Variants in CACNA1C observed in about 807,000 individuals in gnomAD.
The protein encoded by CACNA1C is calcium voltage-gated channel subunit alpha1 C.
CACNA1C carries 30 observed loss-of-function variants against 229.0 expected under a neutral mutation model. That is an observed-to-expected ratio of 0.13 (90% CI 0.10 to 0.18). The LOEUF (loss-of-function observed/expected upper bound fraction) is 0.18. CACNA1C is among the 10% of genes least tolerant of loss of function. CACNA1C has a pLI of 1.00. For missense variants in CACNA1C, 1,658 were observed against 2,845.0 expected (o/e 0.58, Z 9.49); for synonymous variants, 1,114 against 1,132.5 (o/e 0.98, Z 0.33).
chr12:2,220,371 G>T (rs965039926), intron 3 of CACNA1C, among the ~76,000 whole-genome samples: 7 of 152,194 alleles, frequency 4.6e-5, no homozygotes, highest in Admixed American at 4.6e-4. Context: ...CCCTGGTAAG[G>T]CTCAGGCATG....
At chr12:2,232,107 C>T (rs186396791) in intron 3 of CACNA1C, among the ~76,000 whole-genome samples, 41 of 152,076 alleles carry the variant, frequency 2.7e-4, no homozygotes, top group Admixed American at 1.2e-3. Flanking sequence ...TTTGATCTTA[C>T]GAGTTTCTCC....
intron 3 of CACNA1C, among the ~76,000 whole-genome samples, chr12:2,218,815 C>G (rs1017202312): frequency 6.6e-6 from 1 of 152,182 alleles, no homozygotes; most frequent in Non-Finnish European, 1.5e-5. Context: ...GGGGTCTGAT[C>G]ATTTCAGTGT....
At chr12:1,997,481 C>CT (rs1264472168) in intron 1 of CACNA1C, among the ~76,000 whole-genome samples, 1 of 152,148 alleles carries the variant, frequency 6.6e-6, no homozygotes, top group Admixed American at 6.5e-5. Flanking sequence ...GAGCTGTGAT[C>CT]GTGCCACTGC....
Position 2,691,104 on chromosome 12 carries a change from G to C in CACNA1C, c.6322G>C (p.Ala2108Pro). 6.2e-7 allele frequency: 1 copy of C among 1,612,140 alleles called. No individual in the cohort carries two copies. The highest frequency in any genetic ancestry group is 8.5e-7 in the Non-Finnish European group (1 of 1,179,024). The change falls in exon 47 of 47, where the codon GCC (alanine) becomes CCC (proline). Residue 2108 changes from alanine to proline, a missense_variant. This residue lies in a region of CACNA1C where 590 missense variants were observed against 700.8 expected (regional missense o/e 0.84). Transcript: ENST00000399655. ...CTGCAGGGACGCGGGGCAGGACCGA[G>C]CCGGGGGCGAAGAGGACGCGGGCTG... ...VNCRDAGQDR[A>P]GGEEDAGCVR...
chr12:2,000,865 C>T (rs548521724), intron 1 of CACNA1C, among the ~76,000 whole-genome samples: 44 of 152,132 alleles, frequency 2.9e-4, no homozygotes, highest in African/African-American at 9.4e-4. Flanking sequence ...GGTGAAACCC[C>T]GTCTCTACTA....
chr12:2,029,756 G>A lies in CACNA1C; in HGVS notation c.139+58555G>A, dbSNP rs1220341715. 2.0e-5 allele frequency among the ~76,000 whole-genome samples: 3 copies of A among 152,212 alleles called. No individual in the cohort carries two copies. Among genetic ancestry groups the A allele is most frequent in the African/African-American group, 7.2e-5 (3 of 41,446 alleles). ...TGGTCATTAGTAAGGGGCTAACACT[G>A]TGGTTCTATTATTTACAGAAAACTT... On this transcript the variant is annotated intron_variant, in intron 1 of 46. Coordinates refer to the CACNA1C transcript ENST00000682462. This position sits in a 1 kb window ranked among gnomAD's most constrained non-coding sequence, Gnocchi z 4.9.
chr12:2,207,888 G>A (rs761927934), intron 3 of CACNA1C, among the ~76,000 whole-genome samples: 2 of 152,188 alleles, frequency 1.3e-5, no homozygotes, highest in East Asian at 1.9e-4. Flanking sequence ...TCTGACTTTC[G>A]GGAAAGTCTT....
chr12:2,620,907 C>T (rs1194342368), intron 29 of CACNA1C, among the ~76,000 whole-genome samples: 1 of 152,130 alleles, frequency 6.6e-6, no homozygotes, highest in African/African-American at 2.4e-5. Context: ...GAATTGTGAG[C>T]CCGGAAAAGA....
rs139037726 is a variant in CACNA1C, at chr12:2,063,282, G to A, written c.49+9671G>A. 5.1e-3 allele frequency among the ~76,000 whole-genome samples: 782 copies of A among 152,052 alleles called. 4 individuals carry two copies. Among genetic ancestry groups the A allele is most frequent in the Middle Eastern group, 0.01 (3 of 292 alleles). On this transcript the variant is annotated intron_variant, in intron 1 of 46. Coordinates refer to ENST00000399655, the MANE Select transcript of CACNA1C (RefSeq NM_000719.7). ...TTCTCCTGCCTCAGTCTCCTGAGTA[G>A]CTGGGACTACAGGCACCCACCACCA...
At chr12:2,082,236 C>T (rs990142084) in intron 1 of CACNA1C, among the ~76,000 whole-genome samples, 2 of 152,182 alleles carry the variant, frequency 1.3e-5, no homozygotes, top group African/African-American at 4.8e-5. Context: ...TGCTCTTTTC[C>T]ACAGTGTCTG....
At position 1,994,669 on chromosome 12, in the gene CACNA1C, G is replaced by A. The variant is rs528361552; in HGVS notation, c.139+23468G>A. On this transcript the variant is annotated intron_variant, in intron 1 of 46. Transcript: ENST00000682462. ...CTCTCTATTACAGAAAGGAAGGCAT[G>A]GGAGGAAATAAATGATTTTTTAAAT... 4.1e-4 allele frequency among the ~76,000 whole-genome samples: 62 copies of A among 152,286 alleles called. 1 individual carries two copies. Among genetic ancestry groups the A allele is most frequent in the Admixed American group, 2.9e-3 (44 of 15,298 alleles).
chr12:2,244,819 G>A (rs2072323930), intron 3 of CACNA1C, among the ~76,000 whole-genome samples: 1 of 152,324 alleles, frequency 6.6e-6, no homozygotes, highest in East Asian at 1.9e-4. Context: ...AATAAACAGG[G>A]GGATTAGGTT....
intron 3 of CACNA1C, among the ~76,000 whole-genome samples, chr12:2,423,991 C>T (rs1012241772): frequency 9.9e-5 from 15 of 152,106 alleles, no homozygotes; most frequent in Non-Finnish European, 1.9e-4. Context: ...TCCCGCTCCC[C>T]CTCCCCTCCT....
In CACNA1C at chr12:2,504,744, C is replaced by T. The variant is rs1598338972; in HGVS notation, c.1114-98C>T. The T allele has an allele frequency of 1.2e-6, 1 of 819,558 alleles. No individual in the cohort carries two copies. The highest frequency in any genetic ancestry group is 2.6e-5 in the East Asian group (1 of 39,092). The allele number at this position is 819,558 out of a possible 1,614,324, so 50.8% of individuals were successfully genotyped here. On this transcript the variant is annotated intron_variant, in intron 7 of 46. Coordinates refer to ENST00000399655, the MANE Select transcript of CACNA1C (RefSeq NM_000719.7). This position sits in a 1 kb window ranked among gnomAD's most constrained non-coding sequence, Gnocchi z 6.8. ...TTTGCACCTAGAGGGTCCCCGGATC[C>T]TGGCGCTGCGTGGGTCAGTGTCTCG...
chr12:2,487,163 CA>C (rs1193483482), intron 6 of CACNA1C, among the ~76,000 whole-genome samples: 1 of 151,918 alleles, frequency 6.6e-6, no homozygotes, highest in Non-Finnish European at 1.5e-5. Flanking sequence ...ACACCCACCC[CA>C]AAGGGGCTAG....
At chr12:2,461,367 C>T (rs1461597049) in intron 5 of CACNA1C, among the ~76,000 whole-genome samples, 1 of 152,162 alleles carries the variant, frequency 6.6e-6, no homozygotes, top group Non-Finnish European at 1.5e-5. Context: ...TTCTTGGAAT[C>T]CTTTGCTGAC....
At chr12:2,224,613 A>C (rs2062416953) in intron 3 of CACNA1C, among the ~76,000 whole-genome samples, 2 of 152,130 alleles carry the variant, frequency 1.3e-5, no homozygotes, top group African/African-American at 4.8e-5. Context: ...ATGACTTTGG[A>C]GGTCAGGCTG....
intron 3 of CACNA1C, among the ~76,000 whole-genome samples, chr12:2,251,579 CGTT>C (rs2075630056): frequency 1.3e-5 from 2 of 152,286 alleles, no homozygotes; most frequent in South Asian, 2.1e-4. Flanking sequence ...TCCTGCTAGA[CGTT>C]GTCATTGCAG....
At chr12:2,052,957 G>A (rs898355311), upstream of CACNA1C, 29 of 979,018 alleles carry the variant, frequency 3.0e-5, no homozygotes, top group Non-Finnish European at 3.3e-5. Context: ...GGGCCGGGGG[G>A]AGTGAGCGCG....
Sources: allele counts gnomAD v4.1 joint callset (sites outside exome capture counted in the v4.1 genomes callset), GRCh38; gene constraint gnomAD v4.1.1; regional missense constraint gnomAD v4.1.1; non-coding constraint Gnocchi (gnomAD v3.1); transcripts MANE v1.5; gene names NCBI Gene and HGNC (gene_info 2026-07-23, HGNC 2026-07-21).